PAPSS1: variants seen among roughly 807,000 people sequenced by gnomAD.
PAPSS1 encodes bifunctional 3'-phosphoadenosine 5'-phosphosulfate synthase 1.
Under a neutral mutation model 72.0 loss-of-function variants are expected in PAPSS1, and 50 were observed. The ratio of observed to expected loss-of-function variants is 0.69; its 90% confidence interval spans 0.55 to 0.88. The LOEUF is 0.88. PAPSS1 is among the 40% of genes least tolerant of loss of function. The pLI is 0.00. For missense variants in PAPSS1, 657 were observed against 782.2 expected (o/e 0.84, Z 1.91); for synonymous variants, 261 against 263.6 (o/e 0.99, Z 0.09).
intron 9 of PAPSS1, among the ~76,000 whole-genome samples, chr4:107,652,725 A>G (rs909753129): frequency 2.0e-5 from 3 of 152,190 alleles, no homozygotes; most frequent in African/African-American, 7.2e-5. Context: ...GGAAGTACAC[A>G]GTATATATTT....
chr4:107,674,928 C>T (rs1484113636), intron 5 of PAPSS1, among the ~76,000 whole-genome samples: 2 of 152,074 alleles, frequency 1.3e-5, no homozygotes, highest in African/African-American at 4.8e-5. Context: ...TGCTCCTGAA[C>T]GACTATTGGG....
Position 107,696,415 on chromosome 4 carries a change from CG to C in PAPSS1, c.176-2410del, listed in dbSNP as rs1247222662. 2.6e-5 allele frequency among the ~76,000 whole-genome samples: 4 copies of C among 152,164 alleles called. No homozygotes were observed. In the East Asian group the frequency reaches 5.8e-4, roughly 22 times the overall value. ...GCCATAAAAAGGAATGAGATCATGTCGTCTGCAGGGACATGGACGGAGCTGG... is the reference window on the plus strand; with the variant it reads ...GCCATAAAAAGGAATGAGATCATGTCTCTGCAGGGACATGGACGGAGCTGG... On this transcript the variant is annotated intron_variant, in intron 2 of 11. Transcript: ENST00000265174.
chr4:107,646,460 T>A (rs1726699400), intron 9 of PAPSS1, among the ~76,000 whole-genome samples: 1 of 151,662 alleles, frequency 6.6e-6, no homozygotes. Context: ...AGCCCATACA[T>A]TCTAAATACC....
At chr4:107,669,413 A>G (rs931575112) in intron 5 of PAPSS1, among the ~76,000 whole-genome samples, 1 of 152,234 alleles carries the variant, frequency 6.6e-6, no homozygotes, top group South Asian at 2.1e-4. Context: ...TCTACATCAT[A>G]GTATAAAAGA....
chr4:107,638,634 C>A (rs546720900), intron 10 of PAPSS1, among the ~76,000 whole-genome samples: 1 of 152,130 alleles, frequency 6.6e-6, no homozygotes, highest in Non-Finnish European at 1.5e-5. Flanking sequence ...ACCCAGGGAC[C>A]CTCAAGAGGC....
chr4:107,720,075 A>T, intron 1 of PAPSS1, 45 bp downstream of exon 1: 4 of 1,587,918 alleles, frequency 2.5e-6, no homozygotes, highest in Non-Finnish European at 2.6e-6. Context: ...AGCTGCTCCC[A>T]CAGCCCCTCC....
intron 1 of PAPSS1, among the ~76,000 whole-genome samples, chr4:107,714,395 A>G (rs1346818477): frequency 2.6e-5 from 4 of 152,184 alleles, no homozygotes; most frequent in Non-Finnish European, 5.9e-5. Flanking sequence ...CCCTGAGAAC[A>G]TTCTCTCTAC....
At chr4:107,637,609 A>C (rs952239) in intron 10 of PAPSS1, among the ~76,000 whole-genome samples, 34,227 of 152,108 alleles carry the variant, frequency 0.23, 3,908 homozygotes, top group East Asian at 0.37. Flanking sequence ...AGTCCCACTT[A>C]AGTGGCTTAT....
At position 107,693,682 on chromosome 4, in the gene PAPSS1, C is replaced by T. The variant is rs541318778; in HGVS notation, c.411+89G>A. The T allele has an allele frequency of 1.3e-5, 11 of 875,914 alleles. No individual in the cohort carries two copies. The East Asian group carries it at 1.5e-4, about 12-fold the overall frequency. 54.3% of individuals were successfully genotyped at this position (875,914 alleles called of 1,614,324 possible). Reference sequence around the variant, plus strand: ...GGGAGGAGTAGAGTTAGCCTCAAAGCACATATCAATGTTTAAAGTATGTGC... The same window carrying T: ...GGGAGGAGTAGAGTTAGCCTCAAAGTACATATCAATGTTTAAAGTATGTGC... On this transcript the variant is annotated intron_variant, in intron 3 of 11. Coordinates refer to ENST00000265174, the MANE Select transcript of PAPSS1 (RefSeq NM_005443.5).
intron 4 of PAPSS1, among the ~76,000 whole-genome samples, chr4:107,684,524 A>C (rs1193170371): frequency 2.0e-5 from 3 of 152,198 alleles, no homozygotes; most frequent in African/African-American, 7.2e-5. Flanking sequence ...TAAAGAGATT[A>C]AGATCTGAAT....
intron 10 of PAPSS1, among the ~76,000 whole-genome samples, chr4:107,633,792 G>A (rs1726285023): frequency 6.6e-6 from 1 of 151,938 alleles, no homozygotes; most frequent in South Asian, 2.1e-4. Context: ...GGTGGCGGGT[G>A]TCTGTAGTCA....
At chr4:107,643,942 TGAA>T (rs1726627166) in intron 10 of PAPSS1, among the ~76,000 whole-genome samples, 1 of 152,162 alleles carries the variant, frequency 6.6e-6, no homozygotes, top group Admixed American at 6.5e-5. Context: ...GACAGAATCT[TGAA>T]GAACACTTAG....
At chr4:107,658,184 A>C (rs572774456) in intron 6 of PAPSS1, among the ~76,000 whole-genome samples, 111 of 150,760 alleles carry the variant, frequency 7.4e-4, no homozygotes, top group African/African-American at 2.6e-3. Context: ...AAATAAGAAG[A>C]GCCTTGGTCC....
intron 6 of PAPSS1, 81 bp from the exon 7 acceptor site, chr4:107,657,088 T>C (rs756792218): frequency 2.3e-6 from 2 of 880,448 alleles, no homozygotes; most frequent in Admixed American, 1.7e-5. Flanking sequence ...AGGAATTTAA[T>C]TTTGAAAGCA....
At chr4:107,632,531 G>A (rs990615635) in intron 10 of PAPSS1, among the ~76,000 whole-genome samples, 1 of 151,606 alleles carries the variant, frequency 6.6e-6, no homozygotes, top group African/African-American at 2.4e-5. Context: ...AAGATTGGTT[G>A]TGAGTAAACG....
intron 9 of PAPSS1, among the ~76,000 whole-genome samples, chr4:107,648,523 C>G (rs1434555610): frequency 2.0e-5 from 3 of 152,220 alleles, no homozygotes; most frequent in African/African-American, 7.2e-5. Context: ...GCCAGAGCCC[C>G]AGTATCCACC....
chr4:107,614,485 GA>G (rs5860872), intron 11 of PAPSS1, 98 bp from the exon 12 acceptor site: 172,233 of 807,030 alleles, frequency 0.21, 21,026 homozygotes, highest in East Asian at 0.39. Flanking sequence ...CAAACTTAAT[GA>G]AAAAAAAATA....
intron 8 of PAPSS1, among the ~76,000 whole-genome samples, chr4:107,653,874 C>G (rs1726926412): frequency 6.6e-6 from 1 of 152,130 alleles, no homozygotes; most frequent in African/African-American, 2.4e-5. Flanking sequence ...ATAATTACAC[C>G]TTTTCAAGTA....
At chr4:107,681,878 AGAACACTGTTGGCATTTC>A (rs1430115751) in intron 5 of PAPSS1, 119 bp downstream of exon 5, 7 of 577,426 alleles carry the variant, frequency 1.2e-5, no homozygotes, top group Non-Finnish European at 2.2e-5. Flanking sequence ...ATACAGACAC[AGAACACTGTTGGCATTTC>A]GAAGCATTTA....
Sources: allele counts gnomAD v4.1 joint callset (sites outside exome capture counted in the v4.1 genomes callset), GRCh38; gene constraint gnomAD v4.1.1; transcripts MANE v1.5; gene names NCBI Gene and HGNC (gene_info 2026-07-23, HGNC 2026-07-21).